HS6ST2: variants seen among roughly 807,000 people sequenced by gnomAD.
HS6ST2 encodes the protein heparan sulfate 6-O-sulfotransferase 2.
In HS6ST2, 17 loss-of-function variants were observed where a neutral mutation model predicts 33.0. That is an observed-to-expected ratio of 0.52 (90% CI 0.35 to 0.77). HS6ST2 has a LOEUF of 0.77. HS6ST2 is among the 30% of genes least tolerant of loss of function. The probability of loss-of-function intolerance (pLI) is 0.01; values close to 1 mark genes in which losing one functional copy is unlikely to be tolerated. For synonymous variants in HS6ST2, 248 were observed against 237.1 expected (o/e 1.05, Z -0.42); for missense variants, 519 against 551.7 (o/e 0.94, Z 0.59).
At chrX:132,652,503 C>T (rs2063701338) in intron 4 of HS6ST2, among the ~76,000 whole-genome samples, 1 of 111,498 alleles carries the variant, frequency 9.0e-6, no homozygotes, top group South Asian at 3.8e-4. Context: ...GGGAGAGAGC[C>T]CTATAAAATT....
intron 2 of HS6ST2, among the ~76,000 whole-genome samples, chrX:132,814,142 C>T (rs5933203): frequency 0.29 from 31,854 of 110,031 alleles, 3,646 homozygotes; most frequent in Non-Finnish European, 0.33. Flanking sequence ...GACGGGATTT[C>T]ACCATCTTGC....
chrX:132,799,596 G>A, intron 2 of HS6ST2, among the ~76,000 whole-genome samples: 1 of 110,371 alleles, frequency 9.1e-6, no homozygotes, highest in South Asian at 3.9e-4. Context: ...TGCCCAGGCT[G>A]GTCTCAAACT....
At chrX:132,949,341 C>T (rs2066986456) in intron 2 of HS6ST2, among the ~76,000 whole-genome samples, 1 of 109,487 alleles carries the variant, frequency 9.1e-6, no homozygotes, top group African/African-American at 3.3e-5. Flanking sequence ...CTGTGTACCA[C>T]TATTAACTTC....
rs2065031565 is a variant in HS6ST2, at chrX:132,783,404, G to T, written c.948-74910C>A. Among the ~76,000 whole-genome samples the T allele has an allele frequency of 5.4e-5, 6 of 111,400 alleles. No individual in the cohort carries two copies. The Admixed American group carries it at 5.7e-4, about 11-fold the overall frequency. ...AGAGGGTGTCTGTAAATCTCTCTCA[G>T]ATTTGTCTCTTTGTCAGGAACCTGA... On this transcript the variant is annotated intron_variant, in intron 2 of 4. Transcript: ENST00000370833.
intron 2 of HS6ST2, among the ~76,000 whole-genome samples, chrX:132,754,628 A>G (rs755378847): frequency 2.3e-4 from 25 of 109,469 alleles, no homozygotes; most frequent in Non-Finnish European, 3.8e-4. Flanking sequence ...CATGTTAGCC[A>G]GGATGGTCTT....
chrX:132,642,643 T>G (rs919026229), intron 4 of HS6ST2, among the ~76,000 whole-genome samples: 2 of 111,634 alleles, frequency 1.8e-5, no homozygotes, highest in Admixed American at 1.9e-4. Flanking sequence ...TTCTATACAG[T>G]AACAGGCACA....
chrX:132,814,795 T>C (rs749209080), intron 2 of HS6ST2, among the ~76,000 whole-genome samples: 1 of 112,215 alleles, frequency 8.9e-6, no homozygotes, highest in Non-Finnish European at 1.9e-5. Context: ...CCCTATGCGA[T>C]GAACACATAC....
At chrX:132,670,616 AG>A (rs1386930773) in intron 3 of HS6ST2, among the ~76,000 whole-genome samples, 1 of 111,496 alleles carries the variant, frequency 9.0e-6, no homozygotes, top group Non-Finnish European at 1.9e-5. Context: ...TGGCCAACAT[AG>A]CAAAACCCCA....
chrX:132,859,164 C>A (rs935726173), intron 2 of HS6ST2, among the ~76,000 whole-genome samples: 2 of 112,068 alleles, frequency 1.8e-5, no homozygotes, highest in Non-Finnish European at 3.8e-5. Flanking sequence ...CAGAGACAGT[C>A]CTTCAAACAC....
At chrX:132,634,976 T>C (rs780873771) in intron 4 of HS6ST2, among the ~76,000 whole-genome samples, 1 of 111,662 alleles carries the variant, frequency 9.0e-6, no homozygotes, top group Admixed American at 9.5e-5. Flanking sequence ...ATCCTAGGCT[T>C]CTTTTGTCCC....
intron 2 of HS6ST2, among the ~76,000 whole-genome samples, chrX:132,804,156 T>C (rs1414709650): frequency 8.9e-6 from 1 of 112,514 alleles, no homozygotes; most frequent in African/African-American, 3.2e-5. Context: ...TGAATAAATA[T>C]GGCAAAAGGA....
At chrX:132,933,664 A>T (rs991623056) in intron 2 of HS6ST2, among the ~76,000 whole-genome samples, 1 of 111,892 alleles carries the variant, frequency 8.9e-6, no homozygotes, top group Non-Finnish European at 1.9e-5. Context: ...CCTAACACAG[A>T]CATACCATAC....
intron 2 of HS6ST2, among the ~76,000 whole-genome samples, chrX:132,872,858 C>T (rs927888899): frequency 1.8e-5 from 2 of 111,370 alleles, no homozygotes; most frequent in Admixed American, 9.6e-5. Flanking sequence ...ATGATAAAAT[C>T]GATAAAACGC....
At chrX:132,826,470 A>C (rs2065521345) in intron 2 of HS6ST2, among the ~76,000 whole-genome samples, 1 of 111,307 alleles carries the variant, frequency 9.0e-6, no homozygotes, top group African/African-American at 3.2e-5. Context: ...TAATATTTTT[A>C]TATTATTTAC....
intron 2 of HS6ST2, among the ~76,000 whole-genome samples, chrX:132,735,560 T>A (rs972501848): frequency 4.5e-5 from 5 of 111,831 alleles, no homozygotes; most frequent in African/African-American, 1.6e-4. Flanking sequence ...AGGCCAGTAA[T>A]CTGAAATAAA....
intron 2 of HS6ST2, among the ~76,000 whole-genome samples, chrX:132,828,384 T>G (rs1159949841): frequency 9.1e-6 from 1 of 110,064 alleles, no homozygotes; most frequent in African/African-American, 3.3e-5. Context: ...GGGCACAGGA[T>G]AGCTAAGCTC....
chrX:132,896,470 C>CAA (rs1176818195), intron 2 of HS6ST2, among the ~76,000 whole-genome samples: 1 of 52,251 alleles, frequency 1.9e-5, no homozygotes, highest in Non-Finnish European at 3.6e-5. Context: ...GACTCCGTCT[C>CAA]AAAAAAAAAA....
chrX:132,680,588 G>A (rs1424169538), intron 3 of HS6ST2, among the ~76,000 whole-genome samples: 1 of 111,493 alleles, frequency 9.0e-6, no homozygotes, highest in African/African-American at 3.3e-5. Flanking sequence ...GAAGATTAAG[G>A]AGGACAGGCC....
At chrX:132,817,209 C>T (rs2065403166) in intron 2 of HS6ST2, among the ~76,000 whole-genome samples, 1 of 111,449 alleles carries the variant, frequency 9.0e-6, no homozygotes, top group Middle Eastern at 4.6e-3. Flanking sequence ...CTTGGCATAC[C>T]TTGTAGAGAC....
Sources: gnomAD v4.1 joint callset for allele counts (sites outside exome capture counted in the v4.1 genomes callset) on GRCh38, gnomAD v4.1.1 for gene constraint, MANE v1.5 for transcripts, NCBI Gene and HGNC (gene_info 2026-07-23, HGNC 2026-07-21) for gene names.